The following HEBP2 variants were observed in gnomAD, a reference collection of about 807,000 sequenced individuals.
The protein encoded by HEBP2 is heme binding protein 2.
Under a neutral mutation model 23.1 loss-of-function variants are expected in HEBP2, and 27 were observed. That is an observed-to-expected ratio of 1.17 (90% CI 0.86 to 1.61). HEBP2 has a LOEUF of 1.61. Among genes scored for constraint, HEBP2 ranks in the 40% most tolerant of loss-of-function variants. HEBP2 has a pLI of 0.00. For synonymous variants in HEBP2, 99 were observed against 95.1 expected (o/e 1.04, Z -0.24); for missense variants, 245 against 253.8 (o/e 0.97, Z 0.24).
At position 138,416,305 on chromosome 6, in the gene HEBP2, A is replaced by G. The variant is rs1045636550; in HGVS notation, c.*3227A>G. On this transcript the variant is annotated 3_prime_UTR_variant, in exon 4 of 4. Coordinates refer to ENST00000607197, the MANE Select transcript of HEBP2 (RefSeq NM_014320.3). ...GGTAGAAGCCTAGAAAGAGTGATCAAAATGTTGAAATGCCTGAATGGCTGG... is the reference window on the plus strand; with the variant it reads ...GGTAGAAGCCTAGAAAGAGTGATCAGAATGTTGAAATGCCTGAATGGCTGG... 1 of 152,316 alleles carries G rather than the reference A, an allele frequency of 6.6e-6. No individual in the cohort carries two copies. The highest frequency in any genetic ancestry group is 2.4e-5 in the African/African-American group (1 of 41,466). The allele number at this position is 152,316 out of a possible 1,614,324, so 9.4% of individuals were successfully genotyped here. A position where few individuals can be genotyped will look rare whatever the true frequency, so the allele number is the denominator to read the frequency against.
upstream of HEBP2, among the ~76,000 whole-genome samples, chr6:138,404,008 T>C (rs1422996520): frequency 1.3e-5 from 2 of 151,658 alleles, no homozygotes; most frequent in African/African-American, 4.8e-5. Flanking sequence ...TGCCTTTCTC[T>C]GCCTGCGGTG....
At chr6:138,404,801 T>C (rs180731617) in intron 1 of HEBP2, among the ~76,000 whole-genome samples, 148 of 152,276 alleles carry the variant, frequency 9.7e-4, no homozygotes, top group African/African-American at 3.4e-3. Context: ...TCTCAATTTC[T>C]TGTCTTTGCG....
chr6:138,408,248 C>G (rs1774683361), intron 3 of HEBP2, among the ~76,000 whole-genome samples: 1 of 152,148 alleles, frequency 6.6e-6, no homozygotes, highest in African/African-American at 2.4e-5. Flanking sequence ...TTCTGCTTCC[C>G]TTTTGATTAA....
intron 3 of HEBP2, among the ~76,000 whole-genome samples, chr6:138,409,428 C>T (rs993191790): frequency 6.6e-6 from 1 of 152,242 alleles, no homozygotes; most frequent in Admixed American, 6.5e-5. Flanking sequence ...TTTGTTCCCT[C>T]CTCTCTATCA....
At chr6:138,403,844 T>C, upstream of HEBP2, 1 of 399,570 alleles carries the variant, frequency 2.5e-6, no homozygotes, top group Non-Finnish European at 4.4e-6. Context: ...ATTCTCTCCA[T>C]GTGTCTGTGG....
At position 138,404,429 on chromosome 6, in the gene HEBP2, G is replaced by A; in HGVS notation, c.-67G>A. The stretch of plus-strand genomic sequence containing the variant: ...GGCCTCGGCGGGGCGCGCACACGCA[G>A]GCGGGGCGGCCCGGGGTGCGGGGCC... On this transcript the variant is annotated 5_prime_UTR_variant, in exon 1 of 4. Transcript: ENST00000607197. The A allele has an allele frequency of 9.2e-7, 1 of 1,085,288 alleles. No homozygotes were observed. 67.2% of individuals were successfully genotyped at this position (1,085,288 alleles called of 1,614,324 possible).
Position 138,412,990 on chromosome 6 carries a change from C to A in HEBP2, c.530C>A (p.Ala177Glu). The part of the protein sequence containing the change: ...KVFDEKVYYT[A>E]GYNSPVKLLN... Reference sequence around the variant, plus strand: ...TTCGATGAGAAGGTTTACTACACTGCAGGCTACAACAGTCCTGTCAAATTG... The same window carrying A: ...TTCGATGAGAAGGTTTACTACACTGAAGGCTACAACAGTCCTGTCAAATTG... The change falls in exon 4 of 4, where the codon GCA (alanine) becomes GAA (glutamate). Residue 177 changes from alanine to glutamate, a missense_variant. By Grantham distance (107) the Ala-to-Glu change is moderately radical. Coordinates refer to ENST00000607197, the MANE Select transcript of HEBP2 (RefSeq NM_014320.3). The A allele has an allele frequency of 6.2e-7, 1 of 1,613,874 alleles. No individual in the cohort carries two copies. The highest frequency in any genetic ancestry group is 1.3e-5 in the African/African-American group (1 of 75,050).
rs1265042895 is a variant in HEBP2 at position 138,416,029 on chromosome 6, T to C, written c.*2951T>C. ...AGACTTAAGTCACAACATAACTGATTGCGGCTGAGGGGTCTGATGAGGGAG... is the reference window on the plus strand; with the variant it reads ...AGACTTAAGTCACAACATAACTGATCGCGGCTGAGGGGTCTGATGAGGGAG... On this transcript the variant is annotated 3_prime_UTR_variant, in exon 4 of 4. Transcript: ENST00000607197. 1 of 152,130 alleles carries C rather than the reference T, an allele frequency of 6.6e-6. No homozygotes were observed. The highest frequency in any genetic ancestry group is 1.5e-5 in the Non-Finnish European group (1 of 68,156). The allele number at this position is 152,130 out of a possible 1,614,324, so 9.4% of individuals were successfully genotyped here. A position where few individuals can be genotyped will look rare whatever the true frequency, so the allele number is the denominator to read the frequency against.
chr6:138,404,602 G>A lies in HEBP2; in HGVS notation c.102+5G>A. 7 of 1,273,706 alleles carry A rather than the reference G, an allele frequency of 5.5e-6. No individual in the cohort carries two copies. The highest frequency in any genetic ancestry group is 6.9e-6 in the Non-Finnish European group (7 of 1,009,288). The allele number at this position is 1,273,706 out of a possible 1,614,324, so 78.9% of individuals were successfully genotyped here. A position where few individuals can be genotyped will look rare whatever the true frequency, so the allele number is the denominator to read the frequency against. On this transcript the variant is annotated splice_donor_5th_base_variant and intron_variant, in intron 1 of 3. Coordinates refer to ENST00000607197, the MANE Select transcript of HEBP2 (RefSeq NM_014320.3). ...CCGGAGGACGCCGGCCCCCAGGTAG[G>A]CGCCGACTCGGGAGCGGAGGGGCTG...
chr6:138,410,779 C>T (rs1774733247), intron 3 of HEBP2, among the ~76,000 whole-genome samples: 1 of 152,180 alleles, frequency 6.6e-6, no homozygotes. Context: ...AGCCACCATG[C>T]CTGGCCCAAA....
rs146754982 is a variant in HEBP2, at chr6:138,405,478, T to C, written c.238+198T>C. 2.5e-3 allele frequency among the ~76,000 whole-genome samples: 386 copies of C among 152,304 alleles called. 3 individuals are homozygous for C. Among genetic ancestry groups the C allele is most frequent in the African/African-American group, 8.9e-3 (369 of 41,566 alleles). On this transcript the variant is annotated intron_variant, in intron 2 of 3. Coordinates refer to ENST00000607197, the MANE Select transcript of HEBP2 (RefSeq NM_014320.3). The stretch of plus-strand genomic sequence containing the variant: ...CTTTTCAACCTCTGTTCTCTGATTT[T>C]GCTGGATGAACTGGGGTTTGGTGTA...
chr6:138,403,786 G>A (rs1774579444), upstream of HEBP2: 1 of 401,964 alleles, frequency 2.5e-6, no homozygotes, highest in Non-Finnish European at 4.4e-6. Flanking sequence ...TGACTCAGAG[G>A]GTCTGGGGTC....
intron 3 of HEBP2, among the ~76,000 whole-genome samples, chr6:138,407,383 G>A (rs1562239470): frequency 6.6e-6 from 1 of 152,376 alleles, no homozygotes; most frequent in East Asian, 1.9e-4. Context: ...CAGGTTCCAA[G>A]TAAGTTCTAA....
In HEBP2 at chr6:138,406,115, T is replaced by A; in HGVS notation, c.383T>A (p.Phe128Tyr). 1 of 1,614,110 alleles carries A rather than the reference T, an allele frequency of 6.2e-7. No individual in the cohort carries two copies. Among genetic ancestry groups the A allele is most frequent in the African/African-American group, 1.3e-5 (1 of 75,056 alleles). ...CCCAGGCCTTTAGAGTCAGATGTCT[T>A]CATTGAAGATAGAGCCGAAATGACT... is the stretch of plus-strand genomic sequence containing the variant. ...DPPRPLESDV[F>Y]IEDRAEMTVF... Residue 128 changes from phenylalanine (F) to tyrosine (Y), a missense_variant, in exon 3 of 4, where the codon TTC (phenylalanine) becomes TAC (tyrosine). Coordinates refer to ENST00000607197, the MANE Select transcript of HEBP2 (RefSeq NM_014320.3).
Position 138,420,717 on chromosome 6 carries a change from A to G in HEBP2, c.*7639A>G, listed in dbSNP as rs987194252. On this transcript the variant is annotated 3_prime_UTR_variant, in exon 4 of 4. Transcript: ENST00000607197. Reference sequence around the variant, plus strand: ...TTCAGTCCAACACAGGACTCCTCCAATGAGTGACCTTTTTCCCAGAGTTCC... The same window carrying G: ...TTCAGTCCAACACAGGACTCCTCCAGTGAGTGACCTTTTTCCCAGAGTTCC... The G allele has an allele frequency of 6.6e-6, 1 of 152,274 alleles. No homozygotes were observed. Among genetic ancestry groups the G allele is most frequent in the African/African-American group, 2.4e-5 (1 of 41,460 alleles). 9.4% of individuals were successfully genotyped at this position (152,274 alleles called of 1,614,324 possible).
At position 138,409,863 on chromosome 6, in the gene HEBP2, G is replaced by A. The variant is rs141942785; in HGVS notation, c.420-3017G>A. Among the ~76,000 whole-genome samples the A allele has an allele frequency of 1.4e-4, 22 of 152,288 alleles. No homozygotes were observed. In the East Asian group the frequency reaches 3.5e-3, roughly 24 times the overall value. ...TCTTGTTACCTTTGACCTCAGGCAC[G>A]TTAGTCCACTTTTCCTTGCTAAAAT... On this transcript the variant is annotated intron_variant, in intron 3 of 3. Transcript: ENST00000607197.
chr6:138,411,680 G>A (rs142145054), intron 3 of HEBP2, among the ~76,000 whole-genome samples: 7 of 152,294 alleles, frequency 4.6e-5, no homozygotes, highest in South Asian at 2.1e-4. Flanking sequence ...CTCAGAGGCC[G>A]GGCGTGGTGG....
intron 3 of HEBP2, among the ~76,000 whole-genome samples, chr6:138,411,020 C>T (rs1440604657): frequency 6.6e-6 from 1 of 152,190 alleles, no homozygotes; most frequent in Admixed American, 6.5e-5. Context: ...GATGACACCT[C>T]AGCTGAAGCG....
chr6:138,408,118 T>C (rs879402660), intron 3 of HEBP2, among the ~76,000 whole-genome samples: 4 of 152,272 alleles, frequency 2.6e-5, no homozygotes, highest in Non-Finnish European at 5.9e-5. Context: ...TCTGTTTAGA[T>C]GGCAGTTCCA....
Sources: gnomAD v4.1 joint callset for allele counts (sites outside exome capture counted in the v4.1 genomes callset) on GRCh38, gnomAD v4.1.1 for gene constraint, MANE v1.5 for transcripts, NCBI Gene and HGNC (gene_info 2026-07-23, HGNC 2026-07-21) for gene names.